OPCML: variants seen among roughly 807,000 people sequenced by gnomAD.
OPCML encodes the protein opioid-binding protein/cell adhesion molecule.
A neutral mutation model predicts 37.8 loss-of-function variants in OPCML; 13 were observed. The ratio of observed to expected loss-of-function variants is 0.34; its 90% CI spans 0.22 to 0.55. OPCML has a LOEUF of 0.55. Among genes scored for constraint, OPCML ranks in the 20% least tolerant of loss-of-function variants. The pLI, the probability that OPCML is intolerant of heterozygous loss-of-function variation, is 0.91. For synonymous variants in OPCML, 176 were observed against 168.8 expected (o/e 1.04, Z -0.33); for missense variants, 341 against 435.6 (o/e 0.78, Z 1.93).
At chr11:132,923,041 T>A (rs751358249) in intron 2 of OPCML, among the ~76,000 whole-genome samples, 20 of 151,534 alleles carry the variant, frequency 1.3e-4, no homozygotes, top group Middle Eastern at 3.4e-3. Flanking sequence ...ACCACTGCAC[T>A]CCAGCCTGGG....
At chr11:132,810,233 C>T (rs1222280463) in intron 2 of OPCML, among the ~76,000 whole-genome samples, 1 of 152,180 alleles carries the variant, frequency 6.6e-6, no homozygotes, top group Admixed American at 6.5e-5. Flanking sequence ...ACCATGGAAT[C>T]GTGGACATGA....
Position 133,264,768 on chromosome 11 carries a change from TAA to T in OPCML, c.61+267494_61+267495del, listed in dbSNP as rs5795834. Among the ~76,000 whole-genome samples the T allele has an allele frequency of 6.4e-3, 959 of 149,744 alleles. 13 individuals carry two copies. The highest frequency in any genetic ancestry group is 0.017 in the African/African-American group (688 of 40,772). On this transcript the variant is annotated intron_variant, in intron 1 of 7. Transcript: ENST00000524381. Reference sequence around the variant, plus strand: ...GAAAAATACACACAGCGGTTTTTAATAAAAAAAAAAAGTACGTGGTTATACAT... The same window carrying T: ...GAAAAATACACACAGCGGTTTTTAATAAAAAAAAAGTACGTGGTTATACAT...
At chr11:133,312,309 AC>A (rs1334936863) in intron 1 of OPCML, among the ~76,000 whole-genome samples, 14 of 152,314 alleles carry the variant, frequency 9.2e-5, no homozygotes, top group African/African-American at 3.4e-4. Context: ...CACCATCACT[AC>A]TATCACAAAG....
intron 2 of OPCML, among the ~76,000 whole-genome samples, chr11:132,789,135 C>G (rs1370695099): frequency 6.6e-6 from 1 of 152,172 alleles, no homozygotes; most frequent in Non-Finnish European, 1.5e-5. Flanking sequence ...CTTTCTCTGA[C>G]CCTACAAATC....
intron 2 of OPCML, among the ~76,000 whole-genome samples, chr11:132,757,097 A>C (rs896340437): frequency 6.6e-6 from 1 of 152,196 alleles, no homozygotes; most frequent in Non-Finnish European, 1.5e-5. Context: ...AATGGTTTCC[A>C]GCTTCATCCA....
At chr11:133,149,373 A>AT (rs1949942566) in intron 1 of OPCML, among the ~76,000 whole-genome samples, 1 of 152,174 alleles carries the variant, frequency 6.6e-6, no homozygotes. Context: ...CCCCCTGCAA[A>AT]TGTTCTTTCC....
At chr11:132,865,879 C>T (rs1241468890) in intron 2 of OPCML, among the ~76,000 whole-genome samples, 1 of 152,162 alleles carries the variant, frequency 6.6e-6, no homozygotes. Context: ...TCCAGTTGAG[C>T]AGTAAATGTT....
At chr11:132,583,909 C>G (rs770557014) in intron 3 of OPCML, among the ~76,000 whole-genome samples, 1 of 152,014 alleles carries the variant, frequency 6.6e-6, no homozygotes, top group Non-Finnish European at 1.5e-5. Context: ...CCACTGTGCC[C>G]GGCCTATAGG....
intron 1 of OPCML, among the ~76,000 whole-genome samples, chr11:133,059,316 T>C (rs1199078130): frequency 6.6e-6 from 1 of 152,216 alleles, no homozygotes; most frequent in African/African-American, 2.4e-5. Context: ...TAGAGTGTGA[T>C]CCACAAATCT....
At chr11:133,430,291 C>T (rs1946091055) in intron 1 of OPCML, among the ~76,000 whole-genome samples, 1 of 152,046 alleles carries the variant, frequency 6.6e-6, no homozygotes, top group East Asian at 1.9e-4. Context: ...AGTCTGCCAG[C>T]TAAGACTACT....
chr11:133,243,715 G>A (rs1940814371), intron 1 of OPCML, among the ~76,000 whole-genome samples: 1 of 152,200 alleles, frequency 6.6e-6, no homozygotes. Context: ...GGGTGACATA[G>A]CAAGCCATTT....
intron 1 of OPCML, among the ~76,000 whole-genome samples, chr11:133,523,834 A>C (rs1249695546): frequency 1.3e-5 from 2 of 152,134 alleles, no homozygotes; most frequent in African/African-American, 2.4e-5. Flanking sequence ...TTGGGTGTGG[A>C]TAATTTCTAC....
chr11:133,376,232 A>G (rs759510572), intron 1 of OPCML, among the ~76,000 whole-genome samples: 12 of 152,178 alleles, frequency 7.9e-5, no homozygotes, highest in Admixed American at 1.3e-4. Context: ...CAATACCTAA[A>G]TATTTGGGCA....
At chr11:133,277,328 T>C (rs894940482) in intron 1 of OPCML, among the ~76,000 whole-genome samples, 6 of 152,182 alleles carry the variant, frequency 3.9e-5, no homozygotes, top group Non-Finnish European at 8.8e-5. Flanking sequence ...TGCCAATTGG[T>C]TAACATGAGT....
chr11:133,032,522 T>C (rs950372838), intron 1 of OPCML, among the ~76,000 whole-genome samples: 1 of 152,328 alleles, frequency 6.6e-6, no homozygotes, highest in Non-Finnish European at 1.5e-5. Context: ...CATTTGGACA[T>C]TGATGCCTCA....
At chr11:132,493,668 T>C (rs1287915113) in intron 4 of OPCML, among the ~76,000 whole-genome samples, 2 of 152,228 alleles carry the variant, frequency 1.3e-5, no homozygotes, top group African/African-American at 4.8e-5. Context: ...GCACAGAGCA[T>C]CCCAGTGGGA....
intron 1 of OPCML, among the ~76,000 whole-genome samples, chr11:133,234,161 T>C (rs189963774): frequency 4.0e-4 from 61 of 152,252 alleles, no homozygotes; most frequent in Admixed American, 1.0e-3. Flanking sequence ...TGGAAACTTA[T>C]AATTGCTTCC....
chr11:132,919,388 C>G (rs7112135), intron 2 of OPCML, among the ~76,000 whole-genome samples: 33,999 of 152,024 alleles, frequency 0.22, 6,494 homozygotes, highest in African/African-American at 0.51. Flanking sequence ...GGTTGAGGCC[C>G]GGCAGGGTCC....
At chr11:133,473,244 G>A (rs748003263) in intron 1 of OPCML, among the ~76,000 whole-genome samples, 1 of 152,160 alleles carries the variant, frequency 6.6e-6, no homozygotes, top group Admixed American at 6.5e-5. Context: ...ACCCAGTCTC[G>A]AATTTTAAAT....
Sources: gnomAD v4.1 joint callset for allele counts (sites outside exome capture counted in the v4.1 genomes callset) on GRCh38, gnomAD v4.1.1 for gene constraint, MANE v1.5 for transcripts, NCBI Gene and HGNC (gene_info 2026-07-23, HGNC 2026-07-21) for gene names.